Variants in PHIP observed in about 807,000 individuals in gnomAD.
PHIP encodes the protein PH-interacting protein.
In PHIP, 54 loss-of-function variants were observed where a neutral mutation model predicts 236.8. The observed-to-expected ratio is 0.23, with a 90% CI of 0.18 to 0.29. PHIP has a LOEUF of 0.29. Ranked by LOEUF, PHIP falls within the 10% of genes least tolerant of loss-of-function variation. PHIP has a pLI of 1.00. For synonymous variants in PHIP, 756 were observed against 718.9 expected, an observed-to-expected ratio of 1.05 and a Z score of -0.83; for missense variants, 1,370 against 2,190.8, an observed-to-expected ratio of 0.63 and a Z score of 7.48.
At chr6:79,049,660 T>C (rs1772686986) in intron 6 of PHIP, among the ~76,000 whole-genome samples, 1 of 152,148 alleles carries the variant, frequency 6.6e-6, no homozygotes, top group South Asian at 2.1e-4. Context: ...TAAGAGTACA[T>C]GAAAACAAAT....
chr6:79,020,651 G>A (rs1328041003), intron 9 of PHIP, among the ~76,000 whole-genome samples: 3 of 152,040 alleles, frequency 2.0e-5, no homozygotes, highest in Non-Finnish European at 4.4e-5. Flanking sequence ...TTTTTAAAAG[G>A]TTTTTATTTT....
intron 35 of PHIP, among the ~76,000 whole-genome samples, chr6:78,949,214 C>T (rs1369770349): frequency 6.6e-6 from 1 of 152,122 alleles, no homozygotes; most frequent in Non-Finnish European, 1.5e-5. Context: ...TGTCTCACTT[C>T]TTCAGATTCT....
chr6:78,943,729 G>A (rs778918097), intron 39 of PHIP, among the ~76,000 whole-genome samples: 1 of 152,092 alleles, frequency 6.6e-6, no homozygotes, highest in Non-Finnish European at 1.5e-5. Flanking sequence ...GCTCACATCT[G>A]AAATCACAAT....
chr6:78,953,042 G>GC (rs1554195462), intron 35 of PHIP, among the ~76,000 whole-genome samples: 3 of 143,874 alleles, frequency 2.1e-5, no homozygotes, highest in Non-Finnish European at 4.6e-5. Context: ...TATAGGTGTT[G>GC]TTTTTTTTTT....
Position 79,077,928 on chromosome 6 carries a change from G to A in PHIP, c.41-15C>T. The A allele has an allele frequency of 6.3e-7, 1 of 1,594,250 alleles. No homozygotes were observed. Among genetic ancestry groups the A allele is most frequent in the Admixed American group, 1.7e-5 (1 of 58,116 alleles). On this transcript the variant is annotated splice_polypyrimidine_tract_variant and intron_variant, in intron 1 of 39. Transcript: ENST00000275034. ...GAAGTAGAGCTCTGCGCGGGAGAGA[G>A]GGACGGGGAGACACACAGGCTGAGC...
chr6:79,065,763 ACCAC>A (rs748301066), intron 4 of PHIP, among the ~76,000 whole-genome samples: 3 of 110,982 alleles, frequency 2.7e-5, no homozygotes, highest in South Asian at 3.1e-4. Flanking sequence ...TCTTAACTAT[ACCAC>A]ACACACACAC....
rs545813480 is a variant in PHIP, at chr6:79,000,093, A to G, written c.1880-1702T>C. ...TGAGAGATTTCCCAGAATAAATTTT[A>G]TTATCTGGATTTGCAAATAAAAAGC... On this transcript the variant is annotated intron_variant, in intron 17 of 39. Coordinates refer to ENST00000275034, the MANE Select transcript of PHIP (RefSeq NM_017934.7). Among the ~76,000 whole-genome samples the G allele has an allele frequency of 2.0e-5, 3 of 152,162 alleles. No homozygotes were observed. In the South Asian group the frequency reaches 6.2e-4, roughly 32 times the overall value.
chr6:78,976,166 C>T (rs1441446289), intron 24 of PHIP, among the ~76,000 whole-genome samples: 409 of 149,166 alleles, frequency 2.7e-3, no homozygotes, highest in African/African-American at 9.8e-3. Context: ...GGTACTGGGA[C>T]CAAAACAGAG....
In PHIP at chr6:78,940,373, T is replaced by A. The variant is rs1161468418; in HGVS notation, c.*320A>T. On this transcript the variant is annotated 3_prime_UTR_variant, in exon 40 of 40. Coordinates refer to ENST00000275034, the MANE Select transcript of PHIP (RefSeq NM_017934.7). ...GTAGCAGAATTGTCTTTTCTATAAATAAATCAGGAATTCATTATAGATCAA... is the reference window on the plus strand; with the variant it reads ...GTAGCAGAATTGTCTTTTCTATAAAAAAATCAGGAATTCATTATAGATCAA... The A allele has an allele frequency of 6.6e-6, 1 of 151,678 alleles. No individual in the cohort carries two copies. The highest frequency in any genetic ancestry group is 2.4e-5 in the African/African-American group (1 of 41,314). The allele number at this position is 151,678 out of a possible 1,614,324, so 9.4% of individuals were successfully genotyped here. A position where few individuals can be genotyped will look rare whatever the true frequency, so the allele number is the denominator to read the frequency against.
chr6:78,998,417 C>T (rs759502637), intron 17 of PHIP, 26 bp from the exon 18 acceptor site: 100 of 1,600,198 alleles, frequency 6.2e-5, no homozygotes, highest in Non-Finnish European at 7.9e-5. Context: ...CAAAATATTA[C>T]GAATATTTTA....
At chr6:79,073,179 G>C (rs1481807539) in intron 4 of PHIP, among the ~76,000 whole-genome samples, 4 of 151,928 alleles carry the variant, frequency 2.6e-5, no homozygotes, top group African/African-American at 9.7e-5. Flanking sequence ...CATTTAAAAA[G>C]TTTGTAAATG....
chr6:79,051,620 A>C (rs1442993243), intron 6 of PHIP, among the ~76,000 whole-genome samples: 4 of 152,192 alleles, frequency 2.6e-5, no homozygotes, highest in Non-Finnish European at 5.9e-5. Flanking sequence ...TAATGTCTGA[A>C]AAGGAAAACC....
chr6:78,945,835 ATTC>A lies in PHIP; in HGVS notation c.4630+163_4630+165del, dbSNP rs562562000. ...CTATAATGACCTAAACCTCAATTTA[ATTC>A]TTCTTATTAAAAACTTTTTTTTAAA... On this transcript the variant is annotated intron_variant, in intron 38 of 39. Transcript: ENST00000275034. The A allele has an allele frequency of 1.8e-4, 111 of 627,298 alleles. 3 individuals carry two copies. Among genetic ancestry groups the A allele is most frequent in the South Asian group, 5.4e-4 (25 of 45,992 alleles). The allele number at this position is 627,298 out of a possible 1,614,324, so 38.9% of individuals were successfully genotyped here.
chr6:79,055,480 G>A (rs1476138114), intron 6 of PHIP, among the ~76,000 whole-genome samples: 1 of 152,096 alleles, frequency 6.6e-6, no homozygotes, highest in African/African-American at 2.4e-5. Flanking sequence ...CTAAAGATTC[G>A]CTAATACCTT....
rs752036165 is a variant in PHIP at position 78,970,187 on chromosome 6, A to G, written c.2998-14T>C. 2 of 1,605,650 alleles carry G rather than the reference A, an allele frequency of 1.2e-6. No individual in the cohort carries two copies. The highest frequency in any genetic ancestry group is 1.7e-6 in the Non-Finnish European group (2 of 1,174,570). ...AAGTTCTTGTTCCTGAGAGAGACAGAGAATATAAGGAACCATCTTTACAAA... is the reference window on the plus strand; with the variant it reads ...AAGTTCTTGTTCCTGAGAGAGACAGGGAATATAAGGAACCATCTTTACAAA... On this transcript the variant is annotated splice_polypyrimidine_tract_variant and intron_variant, in intron 25 of 39. Transcript: ENST00000275034.
rs537747033 is a variant in PHIP at position 78,945,738 on chromosome 6, T to A, written c.4631-241A>T. The A allele has an allele frequency of 1.3e-4, 81 of 601,352 alleles. No homozygotes were observed. In the South Asian group the frequency reaches 1.7e-3, roughly 13 times the overall value. 37.3% of individuals were successfully genotyped at this position (601,352 alleles called of 1,614,324 possible). On this transcript the variant is annotated intron_variant, in intron 38 of 39. Transcript: ENST00000275034. ...ATTTCGAAGGCAAGTCTTGGCAAATTGCTAGCTAGTGTGGGTACTGTGATT... is the reference window on the plus strand; with the variant it reads ...ATTTCGAAGGCAAGTCTTGGCAAATAGCTAGCTAGTGTGGGTACTGTGATT...
intron 23 of PHIP, among the ~76,000 whole-genome samples, chr6:78,981,668 A>G (rs1768544079): frequency 6.6e-6 from 1 of 152,150 alleles, no homozygotes; most frequent in Non-Finnish European, 1.5e-5. Context: ...GTAACTTATC[A>G]CTGCAAACCT....
At chr6:79,064,108 T>C (rs975982589) in intron 4 of PHIP, among the ~76,000 whole-genome samples, 6 of 152,148 alleles carry the variant, frequency 3.9e-5, no homozygotes, top group Non-Finnish European at 8.8e-5. Flanking sequence ...TGTCTCTTAT[T>C]AACACAACTG....
At chr6:79,066,237 G>C (rs1321873292) in intron 4 of PHIP, among the ~76,000 whole-genome samples, 1 of 152,066 alleles carries the variant, frequency 6.6e-6, no homozygotes, top group Non-Finnish European at 1.5e-5. Flanking sequence ...AGATTATAAA[G>C]TCAGTGTGAT....
Sources: gnomAD v4.1 joint callset for allele counts (sites outside exome capture counted in the v4.1 genomes callset) on GRCh38, gnomAD v4.1.1 for gene constraint, MANE v1.5 for transcripts, NCBI Gene and HGNC (gene_info 2026-07-23, HGNC 2026-07-21) for gene names.